Variants in WDPCP observed in about 807,000 individuals in gnomAD.
WDPCP encodes WD repeat-containing and planar cell polarity effector protein fritz homolog.
Under a neutral mutation model 93.1 loss-of-function variants are expected in WDPCP, and 71 were observed. The ratio of observed to expected loss-of-function variants is 0.76; its 90% CI spans 0.63 to 0.93. WDPCP has a LOEUF of 0.93. Ranked by LOEUF, WDPCP falls within the 40% of genes least tolerant of loss-of-function variation. The pLI is 0.00. For missense variants in WDPCP, 844 were observed against 887.4 expected (o/e 0.95, Z 0.62); for synonymous variants, 315 against 315.0 (o/e 1.00, Z 0.00).
intron 3 of WDPCP, among the ~76,000 whole-genome samples, chr2:63,602,347 GTTTTTT>G (rs144884000): frequency 9.6e-6 from 1 of 104,000 alleles, no homozygotes; most frequent in Non-Finnish European, 1.8e-5. Context: ...GTTGGTTGGG[GTTTTTT>G]TTTTTTTTTT....
chr2:63,773,532 C>A (rs1670260193), intron 2 of WDPCP, among the ~76,000 whole-genome samples: 1 of 151,876 alleles, frequency 6.6e-6, no homozygotes, highest in Non-Finnish European at 1.5e-5. Context: ...TGGATATAAC[C>A]ATTGTATAAA....
chr2:63,807,026 TA>T (rs1344237883), intron 2 of WDPCP, among the ~76,000 whole-genome samples: 8 of 152,108 alleles, frequency 5.3e-5, no homozygotes, highest in Non-Finnish European at 1.0e-4. Flanking sequence ...ATCACAAGGG[TA>T]TTGATTGGGG....
chr2:63,588,659 C>G (rs888600959), upstream of WDPCP: 2 of 481,060 alleles, frequency 4.2e-6, no homozygotes, highest in Non-Finnish European at 3.8e-6. Context: ...CCTAGAGTTA[C>G]ACACGCTATC....
chr2:63,629,845 A>T (rs886624903), intron 3 of WDPCP, among the ~76,000 whole-genome samples: 2 of 152,232 alleles, frequency 1.3e-5, no homozygotes, highest in African/African-American at 4.8e-5. Flanking sequence ...ACATGTAACT[A>T]AGATCTGGAG....
At chr2:63,347,225 A>AGG (rs1360647263) in intron 12 of WDPCP, among the ~76,000 whole-genome samples, 1 of 152,232 alleles carries the variant, frequency 6.6e-6, no homozygotes, top group Non-Finnish European at 1.5e-5. Context: ...ACTGATGAGA[A>AGG]AACTCAAGTA....
chr2:63,388,617 G>A (rs541072668), intron 10 of WDPCP, among the ~76,000 whole-genome samples: 33 of 152,310 alleles, frequency 2.2e-4, no homozygotes, highest in Non-Finnish European at 4.1e-4. Context: ...AAAGGAGCAT[G>A]TTCAAACCCA....
At position 63,178,840 on chromosome 2, in the gene WDPCP, GC is replaced by G. The variant is rs368391077; in HGVS notation, c.1916-4009del. Among the ~76,000 whole-genome samples, 464 of 151,988 alleles carry G rather than the reference GC, an allele frequency of 3.1e-3. 1 individual carries two copies. Among genetic ancestry groups the G allele is most frequent in the African/African-American group, 0.01 (428 of 41,434 alleles). On this transcript the variant is annotated intron_variant, in intron 14 of 17. Transcript: ENST00000272321. ...TTTCTTCTTTTTTAATGTAAACATA[GC>G]CATAAACTTCTCTGTTAGTACTGTT...
intron 14 of WDPCP, among the ~76,000 whole-genome samples, chr2:63,208,880 C>G (rs560456591): frequency 6.6e-6 from 1 of 152,194 alleles, no homozygotes; most frequent in African/African-American, 2.4e-5. Context: ...GGTTTATACC[C>G]TCCCTGAGCT....
chr2:63,144,507 C>T (rs531581529), intron 17 of WDPCP, among the ~76,000 whole-genome samples: 1 of 152,164 alleles, frequency 6.6e-6, no homozygotes, highest in Non-Finnish European at 1.5e-5. Flanking sequence ...GCCCGCCTCA[C>T]CCTCCCAAAG....
intron 10 of WDPCP, among the ~76,000 whole-genome samples, chr2:63,398,296 A>G (rs1205516313): frequency 2.0e-5 from 3 of 152,218 alleles, no homozygotes; most frequent in Non-Finnish European, 2.9e-5. Context: ...TCTTAATAGT[A>G]TAATTAGGGC....
intron 11 of WDPCP, among the ~76,000 whole-genome samples, chr2:63,381,691 A>G (rs1692319740): frequency 1.3e-5 from 2 of 152,196 alleles, no homozygotes; most frequent in East Asian, 3.8e-4. Context: ...AAGCATATAC[A>G]GAAAAGCTGT....
At chr2:63,451,212 G>A (rs192373688) in intron 6 of WDPCP, among the ~76,000 whole-genome samples, 53 of 151,874 alleles carry the variant, frequency 3.5e-4, no homozygotes, top group Middle Eastern at 3.4e-3. Context: ...ACAAAATACA[G>A]TCAAAAGCAT....
chr2:63,181,269 C>G (rs1487556992), intron 14 of WDPCP, among the ~76,000 whole-genome samples: 1 of 152,106 alleles, frequency 6.6e-6, no homozygotes, highest in Non-Finnish European at 1.5e-5. Context: ...AATTGCTCAT[C>G]TAGGCCAATG....
chr2:63,146,561 T>C (rs1671524438), intron 17 of WDPCP, among the ~76,000 whole-genome samples: 1 of 152,142 alleles, frequency 6.6e-6, no homozygotes. Flanking sequence ...GTATTTTTAG[T>C]AGAGATGGGG....
chr2:63,813,043 T>A (rs984433235), intron 2 of WDPCP, among the ~76,000 whole-genome samples: 13 of 151,896 alleles, frequency 8.6e-5, no homozygotes, highest in Non-Finnish European at 1.9e-4. Context: ...ATTGTAGATA[T>A]GAGGTCTCAC....
intron 1 of WDPCP, among the ~76,000 whole-genome samples, chr2:63,538,361 G>C (rs1315674238): frequency 6.6e-6 from 1 of 152,100 alleles, no homozygotes; most frequent in African/African-American, 2.4e-5. Flanking sequence ...TGTAGAAAAA[G>C]AAGAAACACT....
chr2:63,265,365 C>T (rs1285120899), intron 13 of WDPCP, among the ~76,000 whole-genome samples: 4 of 151,926 alleles, frequency 2.6e-5, no homozygotes, highest in Admixed American at 1.3e-4. Flanking sequence ...CACAGAAATA[C>T]AAAGAATCAC....
At chr2:63,683,099 G>A (rs2103639158) in intron 2 of WDPCP, among the ~76,000 whole-genome samples, 1 of 152,000 alleles carries the variant, frequency 6.6e-6, no homozygotes, top group African/African-American at 2.4e-5. Context: ...TGATACTCAA[G>A]AAATAAAAAG....
At position 63,651,149 on chromosome 2, in the gene WDPCP, C is replaced by T. The variant is rs1377469159; in HGVS notation, n.309-311G>A. 2.0e-5 allele frequency among the ~76,000 whole-genome samples: 3 copies of T among 152,098 alleles called. No individual in the cohort carries two copies. The East Asian group carries it at 5.8e-4, about 29-fold the overall frequency. ...ACCGTGTAGAGCAGAGCCACCCTGTCAGCCTGGACTGCTCATCCTCTGGAA... is the reference window on the plus strand; with the variant it reads ...ACCGTGTAGAGCAGAGCCACCCTGTTAGCCTGGACTGCTCATCCTCTGGAA... On this transcript the variant is annotated intron_variant and non_coding_transcript_variant, in intron 2 of 4. Transcript: ENST00000467687.
Sources: gnomAD v4.1 joint callset for allele counts (sites outside exome capture counted in the v4.1 genomes callset) on GRCh38, gnomAD v4.1.1 for gene constraint, MANE v1.5 for transcripts, NCBI Gene and HGNC (gene_info 2026-07-23, HGNC 2026-07-21) for gene names.